The following PRDX6 variants were observed in gnomAD, a reference collection of about 807,000 sequenced individuals.
PRDX6 encodes the protein peroxiredoxin 6, also known as peroxiredoxin-6.
A neutral mutation model predicts 20.0 loss-of-function variants in PRDX6; 13 were observed. The ratio of observed to expected loss-of-function variants is 0.65; its 90% CI spans 0.42 to 1.03. The LOEUF (loss-of-function observed/expected upper bound fraction) is 1.03, where lower values mean the gene tolerates loss of function less well. Ranked by LOEUF, PRDX6 falls within the 50% of genes least tolerant of loss-of-function variation. The pLI is 0.00. For missense variants in PRDX6, 203 were observed against 276.9 expected, an observed-to-expected ratio of 0.73 and a Z score of 1.89; for synonymous variants, 85 against 100.8, an observed-to-expected ratio of 0.84 and a Z score of 0.94.
At chr1:173,479,479 C>T (rs562106266) in intron 1 of PRDX6, among the ~76,000 whole-genome samples, 5 of 152,318 alleles carry the variant, frequency 3.3e-5, no homozygotes, top group Non-Finnish European at 7.4e-5. Context: ...CTCTACCTTA[C>T]CCCTGATCAT....
At chr1:173,480,282 T>G (rs766182983) in intron 1 of PRDX6, among the ~76,000 whole-genome samples, 1 of 152,188 alleles carries the variant, frequency 6.6e-6, no homozygotes, top group Non-Finnish European at 1.5e-5. Flanking sequence ...GCCCTTGTCT[T>G]TGCTTGTTCT....
intron 4 of PRDX6, 122 bp from the exon 5 acceptor site, chr1:173,487,613 A>G (rs1658921310): frequency 2.8e-6 from 3 of 1,080,862 alleles, no homozygotes; most frequent in Non-Finnish European, 4.0e-6. Flanking sequence ...CACAGAGGGG[A>G]GAGTAAAGAA....
In PRDX6 at chr1:173,487,743, T is replaced by C; in HGVS notation, c.555T>C (p.Asp185=). The change falls in exon 5 of 5, where the codon GAT becomes GAC. Residue 185 remains aspartate, a synonymous_variant. Transcript: ENST00000340385. ...VATPVDWKDG[D]SVMVLPTIPE... is the part of the protein sequence containing the mutation. ...TCAATGTCTTTCAATAGGATGGGGA[T>C]AGTGTGATGGTCCTTCCAACCATCC... 2.5e-6 allele frequency: 4 copies of C among 1,614,144 alleles called. No homozygotes were observed. The highest frequency in any genetic ancestry group is 2.2e-5 in the East Asian group (1 of 44,882).
rs752831991 is a variant in PRDX6, at chr1:173,477,454, C to A, written c.57C>A (p.Thr19=). 1 of 1,608,030 alleles carries A rather than the reference C, an allele frequency of 6.2e-7. No homozygotes were observed. Among genetic ancestry groups the A allele is most frequent in the Non-Finnish European group, 8.5e-7 (1 of 1,177,508 alleles). The stretch of plus-strand genomic sequence containing the variant: ...CTCCCAACTTTGAGGCCAATACCAC[C>A]GTCGGCCGCATCCGTTTCCACGACT... The part of the protein sequence containing the change: ...DVAPNFEANT[T]VGRIRFHDFL... Residue 19 remains threonine, a synonymous_variant, in exon 1 of 5, where the codon ACC becomes ACA. Transcript: ENST00000340385.
At chr1:173,478,940 TCTTATA>T (rs546373315) in intron 1 of PRDX6, among the ~76,000 whole-genome samples, 282 of 152,348 alleles carry the variant, frequency 1.9e-3, no homozygotes, top group Admixed American at 4.7e-3. Context: ...TTATGGCCAT[TCTTATA>T]CTTAGGATCT....
At chr1:173,483,061 C>A (rs1658830910) in intron 2 of PRDX6, among the ~76,000 whole-genome samples, 1 of 152,142 alleles carries the variant, frequency 6.6e-6, no homozygotes, top group African/African-American at 2.4e-5. Flanking sequence ...CTTTGGTGTT[C>A]ATGGGTGTAA....
intron 1 of PRDX6, among the ~76,000 whole-genome samples, chr1:173,478,595 T>C (rs1002675175): frequency 3.9e-5 from 6 of 152,086 alleles, no homozygotes; most frequent in African/African-American, 1.4e-4. Flanking sequence ...GCATGTCTAG[T>C]TATATTATGG....
At chr1:173,477,566 C>T (rs1658718478) in intron 1 of PRDX6, 74 bp downstream of exon 1, 7 of 1,255,136 alleles carry the variant, frequency 5.6e-6, no homozygotes, top group Non-Finnish European at 7.9e-6. Flanking sequence ...TGTTTCTTCT[C>T]CCTGCCGTCC....
Position 173,481,499 on chromosome 1 carries a change from A to G in PRDX6, c.252+17A>G, listed in dbSNP as rs749075728. On this transcript the variant is annotated intron_variant, in intron 2 of 4. Transcript: ENST00000340385. The stretch of plus-strand genomic sequence containing the variant: ...TGGAGCAAGGTTAGTATCAATTGGC[A>G]TGTGCTTTGAGCCTGAGATTATAGG... The G allele has an allele frequency of 5.0e-6, 8 of 1,611,154 alleles. No homozygotes were observed. The South Asian group carries it at 8.8e-5, about 18-fold the overall frequency.
intron 2 of PRDX6, among the ~76,000 whole-genome samples, chr1:173,483,781 A>G (rs542037044): frequency 1.1e-4 from 17 of 152,084 alleles, no homozygotes; most frequent in Non-Finnish European, 2.4e-4. Context: ...TCAATAGTTT[A>G]TGTACAGAGT....
At chr1:173,481,137 C>T (rs1359833910) in intron 1 of PRDX6, 189 bp from the exon 2 acceptor site, 1 of 585,838 alleles carries the variant, frequency 1.7e-6, no homozygotes, top group Non-Finnish European at 3.0e-6. Context: ...GGGCTATAAG[C>T]ATAGGCTTCT....
intron 2 of PRDX6, 48 bp from the exon 3 acceptor site, chr1:173,485,313 G>T: frequency 8.8e-6 from 13 of 1,478,050 alleles, no homozygotes; most frequent in Non-Finnish European, 1.2e-5. Context: ...GAAATTCAGA[G>T]CATGTGTTGG....
At chr1:173,478,505 C>T (rs1265758572) in intron 1 of PRDX6, among the ~76,000 whole-genome samples, 2 of 151,820 alleles carry the variant, frequency 1.3e-5, no homozygotes, top group African/African-American at 2.4e-5. Context: ...AGTAGTAAAT[C>T]GGTGTTGCCC....
In PRDX6 at chr1:173,477,451, C is replaced by T; in HGVS notation, c.54C>T (p.Thr18=). The T allele has an allele frequency of 6.2e-7, 1 of 1,608,268 alleles. No homozygotes were observed. Among genetic ancestry groups the T allele is most frequent in the Non-Finnish European group, 8.5e-7 (1 of 1,177,622 alleles). Residue 18 remains threonine, a synonymous_variant, in exon 1 of 5, where the codon ACC becomes ACT. Coordinates refer to ENST00000340385, the MANE Select transcript of PRDX6 (RefSeq NM_004905.3). The part of the protein sequence containing the change: ...GDVAPNFEAN[T]TVGRIRFHDF... ...TGGCTCCCAACTTTGAGGCCAATACCACCGTCGGCCGCATCCGTTTCCACG... is the reference window on the plus strand; with the variant it reads ...TGGCTCCCAACTTTGAGGCCAATACTACCGTCGGCCGCATCCGTTTCCACG...
intron 2 of PRDX6, among the ~76,000 whole-genome samples, chr1:173,483,886 A>G (rs113353107): frequency 0.02 from 3,028 of 151,790 alleles, 94 homozygotes; most frequent in African/African-American, 0.068. Context: ...GTGGATCACA[A>G]GGTTAGGAGT....
chr1:173,485,278 T>A, intron 2 of PRDX6, 83 bp from the exon 3 acceptor site: 1 of 1,349,534 alleles, frequency 7.4e-7, no homozygotes, highest in African/African-American at 1.5e-5. Context: ...TTTCCTGTCT[T>A]GCAAGGTGAT....
chr1:173,482,069 A>G (rs1478710706), intron 2 of PRDX6: 1 of 152,476 alleles, frequency 6.6e-6, no homozygotes, highest in Non-Finnish European at 1.5e-5. Context: ...GCTAATGGCA[A>G]CTACATTTTT....
rs1219459076 is a variant in PRDX6 at position 173,487,960 on chromosome 1, G to T, written c.*97G>T. On this transcript the variant is annotated 3_prime_UTR_variant, in exon 5 of 5. Transcript: ENST00000340385. ...ATAAACACATCCTGGTGTCATCACA[G>T]CCAAGGTTTTTAGGTTGCTATACCA... 3.3e-6 allele frequency: 5 copies of T among 1,501,778 alleles called. No individual in the cohort carries two copies. The highest frequency in any genetic ancestry group is 4.5e-6 in the Non-Finnish European group (5 of 1,108,810). The allele number at this position is 1,501,778 out of a possible 1,614,324, so 93.0% of individuals were successfully genotyped here. A position where few individuals can be genotyped will look rare whatever the true frequency, so the allele number is the denominator to read the frequency against.
At position 173,477,386 on chromosome 1, in the gene PRDX6, ATCACCGTCGC is replaced by A. The variant is rs1658711689; in HGVS notation, c.-11_-2del. The A allele has an allele frequency of 3.1e-6, 5 of 1,596,462 alleles. No homozygotes were observed. Among genetic ancestry groups the A allele is most frequent in the Non-Finnish European group, 4.3e-6 (5 of 1,171,440 alleles). On this transcript the variant is annotated 5_prime_UTR_variant, in exon 1 of 5. Transcript: ENST00000340385. ...CTTGCTGTCCCAGCGGCGCCCCCTC[ATCACCGTCGC>A]CATGCCCGGAGGTCTGCTTCTCGGG... is the stretch of plus-strand genomic sequence containing the variant.
Sources: allele counts gnomAD v4.1 joint callset (sites outside exome capture counted in the v4.1 genomes callset), GRCh38; gene constraint gnomAD v4.1.1; transcripts MANE v1.5; gene names NCBI Gene and HGNC (gene_info 2026-07-23, HGNC 2026-07-21).